Variants in PINX1 observed in about 807,000 individuals in gnomAD.
PINX1 encodes PIN2 (TERF1) interacting telomerase inhibitor 1.
In PINX1, 34 loss-of-function variants were observed where a neutral mutation model predicts 25.4. The ratio of observed to expected loss-of-function variants is 1.34; its 90% CI spans 1.02 to 1.78. PINX1 has a LOEUF of 1.78. PINX1 is among the 40% of genes most tolerant of loss of function. The probability of loss-of-function intolerance (pLI) is 0.00; values close to 1 mark genes in which losing one functional copy is unlikely to be tolerated. For synonymous variants in PINX1, 197 were observed against 147.7 expected, an observed-to-expected ratio of 1.33 and a Z score of -2.42; for missense variants, 592 against 404.9, an observed-to-expected ratio of 1.46 and a Z score of -3.97.
intron 6 of PINX1, among the ~76,000 whole-genome samples, chr8:10,771,570 C>T (rs745334529): frequency 2.6e-5 from 4 of 152,196 alleles, no homozygotes; most frequent in Non-Finnish European, 5.9e-5. Flanking sequence ...TTCATACAAT[C>T]CACAACCTCC....
rs1800992030 is a variant in PINX1 at position 10,765,265 on chromosome 8, C to T, written c.*136G>A. On this transcript the variant is annotated 3_prime_UTR_variant, in exon 7 of 7. Transcript: ENST00000314787. The stretch of plus-strand genomic sequence containing the variant: ...GGGGAAATGTGGCGAGAGGGCAGGA[C>T]TCGGCAGCCCATGGGCATGCCACAA... 2.7e-6 allele frequency: 2 copies of T among 730,554 alleles called. No individual in the cohort carries two copies. The highest frequency in any genetic ancestry group is 2.1e-5 in the South Asian group (1 of 47,018). 45.3% of individuals were successfully genotyped at this position (730,554 alleles called of 1,614,324 possible). A position where few individuals can be genotyped will look rare whatever the true frequency, so the allele number is the denominator to read the frequency against.
At chr8:10,828,715 T>C (rs1167389703) in intron 4 of PINX1, among the ~76,000 whole-genome samples, 2 of 152,172 alleles carry the variant, frequency 1.3e-5, no homozygotes, top group Non-Finnish European at 2.9e-5. Flanking sequence ...CGTGCACTCA[T>C]GCCTGAAACT....
intron 6 of PINX1, among the ~76,000 whole-genome samples, chr8:10,791,842 C>T (rs1037676406): frequency 8.5e-5 from 13 of 152,316 alleles, no homozygotes; most frequent in African/African-American, 3.1e-4. Context: ...GGTGCTGCCG[C>T]GGTTCCTGCC....
At chr8:10,791,701 G>A (rs1801927642) in intron 6 of PINX1, among the ~76,000 whole-genome samples, 2 of 152,306 alleles carry the variant, frequency 1.3e-5, no homozygotes, top group South Asian at 4.1e-4. Flanking sequence ...ATGTGCTTGG[G>A]CGATCTGCTG....
At chr8:10,777,512 C>T (rs1355570873) in intron 6 of PINX1, among the ~76,000 whole-genome samples, 1 of 152,188 alleles carries the variant, frequency 6.6e-6, no homozygotes, top group Non-Finnish European at 1.5e-5. Flanking sequence ...CAGACAGCAC[C>T]ATGGCTGGCA....
At chr8:10,793,851 A>C (rs1802001006) in intron 6 of PINX1, among the ~76,000 whole-genome samples, 2 of 152,220 alleles carry the variant, frequency 1.3e-5, no homozygotes, top group South Asian at 4.1e-4. Context: ...GGAGCCTCTT[A>C]GTATATTCCT....
chr8:10,765,219 T>C lies in PINX1; in HGVS notation c.*182A>G. ...GCCACGATTGAGAACATTAAAAAGGTCCTCCTGGGAATGTAACTTGGGGGA... is the reference window on the plus strand; with the variant it reads ...GCCACGATTGAGAACATTAAAAAGGCCCTCCTGGGAATGTAACTTGGGGGA... On this transcript the variant is annotated 3_prime_UTR_variant, in exon 7 of 7. Transcript: ENST00000314787. The C allele has an allele frequency of 3.5e-6, 2 of 572,412 alleles. No homozygotes were observed. Among genetic ancestry groups the C allele is most frequent in the Non-Finnish European group, 6.0e-6 (2 of 331,956 alleles). The allele number at this position is 572,412 out of a possible 1,614,324, so 35.5% of individuals were successfully genotyped here.
intron 4 of PINX1, among the ~76,000 whole-genome samples, chr8:10,829,434 T>A (rs1225849956): frequency 6.6e-6 from 1 of 152,114 alleles, no homozygotes; most frequent in Non-Finnish European, 1.5e-5. Flanking sequence ...CAGTGCTGAG[T>A]ATCTCTGCTT....
intron 3 of PINX1, among the ~76,000 whole-genome samples, chr8:10,832,283 T>C (rs1798247724): frequency 6.6e-6 from 1 of 152,142 alleles, no homozygotes; most frequent in Non-Finnish European, 1.5e-5. Context: ...ATAAGTTTAT[T>C]ATAAAAAAAT....
intron 5 of PINX1, among the ~76,000 whole-genome samples, chr8:10,823,416 A>G (rs1259857942): frequency 1.3e-5 from 2 of 152,122 alleles, no homozygotes; most frequent in Non-Finnish European, 2.9e-5. Flanking sequence ...CTCTCCTGCC[A>G]ACGTCTCACC....
chr8:10,827,697 G>T (rs1586204538), intron 4 of PINX1, among the ~76,000 whole-genome samples: 1 of 151,662 alleles, frequency 6.6e-6, no homozygotes, highest in East Asian at 1.9e-4. Flanking sequence ...ATGAGGTCAG[G>T]AGATCGACAC....
chr8:10,839,690 G>C (rs373578801), intron 1 of PINX1, 48 bp downstream of exon 1: 1 of 1,578,968 alleles, frequency 6.3e-7, no homozygotes, highest in Admixed American at 1.8e-5. Context: ...GCGTCACCCG[G>C]CATCTTCACC....
chr8:10,835,002 A>T (rs1294427874), intron 1 of PINX1, among the ~76,000 whole-genome samples: 1 of 152,228 alleles, frequency 6.6e-6, no homozygotes, highest in Non-Finnish European at 1.5e-5. Flanking sequence ...TCTTAAGATT[A>T]AAACTGAAAT....
At chr8:10,783,718 T>C (rs1801662936) in intron 6 of PINX1, among the ~76,000 whole-genome samples, 1 of 152,120 alleles carries the variant, frequency 6.6e-6, no homozygotes, top group Admixed American at 6.5e-5. Context: ...AAGAAAAACA[T>C]CTGAGTTAAG....
chr8:10,823,619 G>C (rs1477018431), intron 5 of PINX1, among the ~76,000 whole-genome samples: 1 of 152,062 alleles, frequency 6.6e-6, no homozygotes, highest in African/African-American at 2.4e-5. Flanking sequence ...GCTCAAGTTA[G>C]AATTATAAAC....
intron 6 of PINX1, among the ~76,000 whole-genome samples, chr8:10,817,761 A>G (rs905731546): frequency 1.3e-5 from 2 of 152,106 alleles, no homozygotes; most frequent in African/African-American, 4.8e-5. Context: ...GCAGTTTGAC[A>G]GGGAAGACCT....
intron 4 of PINX1, among the ~76,000 whole-genome samples, chr8:10,828,646 CAAG>C (rs1798129075): frequency 6.6e-6 from 1 of 152,164 alleles, no homozygotes; most frequent in Admixed American, 6.5e-5. Flanking sequence ...ATGCAGGTAT[CAAG>C]AAGGATGCGT....
intron 6 of PINX1, among the ~76,000 whole-genome samples, chr8:10,789,951 C>G (rs1586155128): frequency 6.6e-6 from 1 of 152,288 alleles, no homozygotes; most frequent in South Asian, 2.1e-4. Flanking sequence ...ATTAAAAACT[C>G]ACACCGAAAA....
intron 6 of PINX1, among the ~76,000 whole-genome samples, chr8:10,777,882 T>C (rs1255973135): frequency 6.6e-6 from 1 of 152,186 alleles, no homozygotes; most frequent in African/African-American, 2.4e-5. Flanking sequence ...GGGGTCCAGG[T>C]TGCAGAGCGG....
Sources: allele counts gnomAD v4.1 joint callset (sites outside exome capture counted in the v4.1 genomes callset), GRCh38; gene constraint gnomAD v4.1.1; transcripts MANE v1.5; gene names NCBI Gene and HGNC (gene_info 2026-07-23, HGNC 2026-07-21).